The following CSF1R variants were observed in gnomAD, a reference collection of about 807,000 sequenced individuals.
The protein encoded by CSF1R is colony stimulating factor 1 receptor.
A neutral mutation model predicts 110.0 loss-of-function variants in CSF1R; 40 were observed. The observed-to-expected ratio is 0.36, with a 90% confidence interval of 0.28 to 0.47. The LOEUF is 0.47. Among genes scored for constraint, CSF1R ranks in the 20% least tolerant of loss-of-function variants. CSF1R has a pLI of 0.99. For missense variants in CSF1R, 1,052 were observed against 1,253.0 expected, an observed-to-expected ratio of 0.84 and a Z score of 2.42; for synonymous variants, 523 against 503.4, an observed-to-expected ratio of 1.04 and a Z score of -0.52.
chr5:150,089,080 C>T (rs903074460), upstream of CSF1R, among the ~76,000 whole-genome samples: 7 of 152,176 alleles, frequency 4.6e-5, no homozygotes, highest in African/African-American at 1.4e-4. Context: ...ACAGCCTCAA[C>T]GTGATTAAGG....
rs1758105492 is a variant in CSF1R at position 150,073,286 on chromosome 5, G to A, written c.1082+15C>T. ...TGGTTGTCGGGCTGTGTAGACGGGA[G>A]CTGATAAGTGGTACCTGTATGTGTC... is the stretch of plus-strand genomic sequence containing the variant. On this transcript the variant is annotated intron_variant, in intron 6 of 20. Transcript: ENST00000675795. 1 of 1,607,396 alleles carries A rather than the reference G, an allele frequency of 6.2e-7. No individual in the cohort carries two copies. The highest frequency in any genetic ancestry group is 1.3e-5 in the African/African-American group (1 of 74,804).
At chr5:150,066,147 T>G (rs1757760966) in intron 10 of CSF1R, among the ~76,000 whole-genome samples, 1 of 152,170 alleles carries the variant, frequency 6.6e-6, no homozygotes. Context: ...TCCCCCTCCT[T>G]CCACCATCCC....
At chr5:150,079,855 G>C (rs1358218078) in intron 3 of CSF1R, among the ~76,000 whole-genome samples, 197 bp downstream of exon 3, 3 of 152,202 alleles carry the variant, frequency 2.0e-5, no homozygotes, top group African/African-American at 7.2e-5. Flanking sequence ...TTGCTCACAT[G>C]TGGTTTGTCT....
At chr5:150,059,392 C>A (rs529449069) in intron 14 of CSF1R, among the ~76,000 whole-genome samples, 1 of 152,342 alleles carries the variant, frequency 6.6e-6, no homozygotes, top group East Asian at 1.9e-4. Context: ...CTTGGTTGAT[C>A]TTTTACACAC....
chr5:150,055,114 GGA>G, intron 19 of CSF1R, 121 bp downstream of exon 19: 1 of 800,944 alleles, frequency 1.2e-6, no homozygotes, highest in East Asian at 2.5e-5. Flanking sequence ...GTCCACTATG[GGA>G]GAGATAAAGT....
At chr5:150,058,232 G>A (rs1422743911) in intron 14 of CSF1R, 2 of 456,250 alleles carry the variant, frequency 4.4e-6, no homozygotes, top group Non-Finnish European at 8.8e-6. Context: ...TGGGTGGATG[G>A]GCCTGAGGTG....
chr5:150,078,392 C>A, intron 3 of CSF1R, 144 bp from the exon 4 acceptor site: 1 of 1,038,742 alleles, frequency 9.6e-7, no homozygotes, highest in Non-Finnish European at 1.4e-6. Flanking sequence ...AGCCTTGATG[C>A]TCCCAGTCCC....
rs745549064 is a variant in CSF1R, at chr5:150,059,686, T to C, written c.2132+14A>G. Reference sequence around the variant, plus strand: ...CCAGACCTGGCCTTTTTCTTGTCCTTTGCCAGGGGCTACCTGCGGACATAT... The same window carrying C: ...CCAGACCTGGCCTTTTTCTTGTCCTCTGCCAGGGGCTACCTGCGGACATAT... On this transcript the variant is annotated intron_variant, in intron 14 of 20. Transcript: ENST00000675795. 1 of 1,612,280 alleles carries C rather than the reference T, an allele frequency of 6.2e-7. No individual in the cohort carries two copies. Among genetic ancestry groups the C allele is most frequent in the Non-Finnish European group, 8.5e-7 (1 of 1,178,496 alleles).
intron 6 of CSF1R, 24 bp downstream of exon 6, chr5:150,073,277 T>G (rs776865657): frequency 8.1e-6 from 13 of 1,603,274 alleles, no homozygotes; most frequent in Non-Finnish European, 1.1e-5. Context: ...TCGGGCTGTG[T>G]AGACGGGAGC....
Position 150,053,651 on chromosome 5 carries a change from G to A in CSF1R, c.*418C>T, listed in dbSNP as rs985307680. ...GCATCTGCTGCTCCTCTCAGAGAGG[G>A]AGATCTCACTCTCTGCCAGTCTGTC... On this transcript the variant is annotated 3_prime_UTR_variant, in exon 21 of 21. Transcript: ENST00000675795. 2.8e-5 allele frequency: 8 copies of A among 290,168 alleles called. No homozygotes were observed. Among genetic ancestry groups the A allele is most frequent in the African/African-American group, 1.5e-4 (7 of 46,092 alleles). 18.0% of individuals were successfully genotyped at this position (290,168 alleles called of 1,614,324 possible). A position where few individuals can be genotyped will look rare whatever the true frequency, so the allele number is the denominator to read the frequency against.
intron 19 of CSF1R, 107 bp downstream of exon 19, chr5:150,055,130 A>G: frequency 1.0e-6 from 1 of 962,150 alleles, no homozygotes; most frequent in Non-Finnish European, 1.6e-6. Flanking sequence ...ATAAAGTCTG[A>G]CCCTGGAACA....
intron 2 of CSF1R, 43 bp downstream of exon 2, chr5:150,080,724 C>A (rs766789343): frequency 6.2e-7 from 1 of 1,611,322 alleles, no homozygotes; most frequent in South Asian, 1.1e-5. Flanking sequence ...TGTAGTGGGG[C>A]CTGCCGGGTC....
rs17110908 is a variant in CSF1R, at chr5:150,059,695, G to A, written c.2132+5C>T. 13,924 of 1,613,070 alleles carry A rather than the reference G, an allele frequency of 8.6e-3. 966 individuals are homozygous for A. In the African/African-American group the frequency reaches 0.16, roughly 19 times the overall value. ...GCCTTTTTCTTGTCCTTTGCCAGGG[G>A]CTACCTGCGGACATATTTCTTCTCG... On this transcript the variant is annotated splice_donor_5th_base_variant and intron_variant, in intron 14 of 20. Coordinates refer to ENST00000675795, the MANE Select transcript of CSF1R (RefSeq NM_001288705.3).
In CSF1R at chr5:150,082,607, G is replaced by T. The variant is rs538093688; in HGVS notation, c.50-1583C>A. ...CCTATCACTGCTGCAGCAATCTAGG[G>T]CCCCCAGGCCGGGGTTTTATAGCAG... On this transcript the variant is annotated intron_variant, in intron 1 of 20. Coordinates refer to ENST00000675795, the MANE Select transcript of CSF1R (RefSeq NM_001288705.3). Among the ~76,000 whole-genome samples the T allele has an allele frequency of 2.6e-5, 4 of 152,340 alleles. No homozygotes were observed. The East Asian group carries it at 7.7e-4, about 29-fold the overall frequency.
intron 1 of CSF1R, 43 bp from the exon 2 acceptor site, chr5:150,081,067 T>C: frequency 6.2e-7 from 1 of 1,606,248 alleles, no homozygotes; most frequent in Non-Finnish European, 8.5e-7. Flanking sequence ...AGGTCTAGGA[T>C]GCGCCCCTTG....
intron 9 of CSF1R, among the ~76,000 whole-genome samples, 200 bp downstream of exon 9, chr5:150,069,673 C>T (rs546889556): frequency 2.0e-5 from 3 of 152,098 alleles, no homozygotes; most frequent in East Asian, 1.9e-4. Flanking sequence ...GAGACTACCC[C>T]GTCCTACTGC....
At chr5:150,064,393 A>G (rs954189395) in intron 10 of CSF1R, among the ~76,000 whole-genome samples, 2 of 152,240 alleles carry the variant, frequency 1.3e-5, no homozygotes, top group African/African-American at 4.8e-5. Flanking sequence ...AAAGACTGCA[A>G]TTAGAAATGA....
At position 150,073,502 on chromosome 5, in the gene CSF1R, C is replaced by T. The variant is rs773454811; in HGVS notation, c.890-9G>A. On this transcript the variant is annotated splice_polypyrimidine_tract_variant and intron_variant, in intron 5 of 20. Coordinates refer to ENST00000675795, the MANE Select transcript of CSF1R (RefSeq NM_001288705.3). ...GTTCAAGTAGGCACTCTCTGGAAAG[C>T]AGAACACACAAGCATCTGGCATTAG... is the stretch of plus-strand genomic sequence containing the variant. 1.2e-6 allele frequency: 2 copies of T among 1,609,028 alleles called. No homozygotes were observed. The highest frequency in any genetic ancestry group is 2.2e-5 in the South Asian group (2 of 90,776).
rs937043276 is a variant in CSF1R, at chr5:150,077,358, A to T, written c.807T>A (p.Asp269Glu). 2.3e-5 allele frequency: 37 copies of T among 1,614,210 alleles called. No homozygotes were observed. The highest frequency in any genetic ancestry group is 1.5e-4 in the South Asian group (14 of 91,086). The change falls in exon 5 of 21, where the codon GAT (aspartate) becomes GAA (glutamate). Residue 269 changes from aspartate (D) to glutamate (E), a missense_variant. Asp to Glu is a conservative substitution (Grantham distance 45, BLOSUM62 2). This residue lies in a region of CSF1R where 693 missense variants were observed against 735.4 expected (regional missense o/e 0.94). Coordinates refer to ENST00000675795, the MANE Select transcript of CSF1R (RefSeq NM_001288705.3). ...KVLTLNLDQV[D>E]FQHAGNYSCV... The stretch of plus-strand genomic sequence containing the variant: ...AGGAGTAGTTGCCGGCATGTTGGAA[A>T]TCTACTTGATCGAGGTTGAGGGTCA...
Sources: allele counts gnomAD v4.1 joint callset (sites outside exome capture counted in the v4.1 genomes callset), GRCh38; gene constraint gnomAD v4.1.1; regional missense constraint gnomAD v4.1.1; transcripts MANE v1.5; gene names NCBI Gene and HGNC (gene_info 2026-07-23, HGNC 2026-07-21).